SRGAP1: variants seen among roughly 807,000 people sequenced by gnomAD.
SRGAP1 encodes the protein SLIT-ROBO Rho GTPase activating protein 1.
SRGAP1 carries 43 observed loss-of-function variants against 121.9 expected under a neutral mutation model. The ratio of observed to expected loss-of-function variants is 0.35; its 90% CI spans 0.28 to 0.46. The LOEUF (loss-of-function observed/expected upper bound fraction) is 0.46, where lower values mean the gene tolerates loss of function less well. Ranked by LOEUF, SRGAP1 falls within the 20% of genes least tolerant of loss-of-function variation. The pLI is 1.00. For synonymous variants in SRGAP1, 447 were observed against 485.4 expected, an observed-to-expected ratio of 0.92 and a Z score of 1.04; for missense variants, 1,102 against 1,350.9, an observed-to-expected ratio of 0.82 and a Z score of 2.89.
intron 3 of SRGAP1, among the ~76,000 whole-genome samples, chr12:64,015,772 A>G (rs1027752608): frequency 6.6e-6 from 1 of 152,176 alleles, no homozygotes; most frequent in Non-Finnish European, 1.5e-5. Flanking sequence ...TATGGCCCTT[A>G]TCCCTAACAC....
rs149875510 is a variant in SRGAP1, at chr12:64,064,017, G to A, written c.1023+879G>A. Among the ~76,000 whole-genome samples the A allele has an allele frequency of 3.3e-5, 5 of 151,944 alleles. No homozygotes were observed. The East Asian group carries it at 9.7e-4, about 29-fold the overall frequency. On this transcript the variant is annotated intron_variant, in intron 7 of 21. Transcript: ENST00000355086. The stretch of plus-strand genomic sequence containing the variant: ...ATTTTATGTGTGTTTGATAGAAATG[G>A]TATTTAAGCCAAACACACATGGATT...
At chr12:64,074,627 G>A (rs1235288728) in intron 8 of SRGAP1, among the ~76,000 whole-genome samples, 1 of 151,976 alleles carries the variant, frequency 6.6e-6, no homozygotes, top group Non-Finnish European at 1.5e-5. Context: ...CTTTTGAATG[G>A]CACCTTCCCT....
intron 8 of SRGAP1, among the ~76,000 whole-genome samples, chr12:64,066,470 A>G (rs942388593): frequency 1.3e-5 from 2 of 152,228 alleles, no homozygotes; most frequent in African/African-American, 4.8e-5. Flanking sequence ...AAAAGAAAGG[A>G]CTGTGGGACA....
At chr12:63,985,081 T>C (rs1359325697) in intron 2 of SRGAP1, among the ~76,000 whole-genome samples, 2 of 150,872 alleles carry the variant, frequency 1.3e-5, no homozygotes, top group East Asian at 3.9e-4. Flanking sequence ...AGTGAAATAT[T>C]CAAGTGCTCC....
intron 1 of SRGAP1, among the ~76,000 whole-genome samples, chr12:63,965,107 G>A (rs1179622726): frequency 3.9e-5 from 6 of 152,154 alleles, no homozygotes; most frequent in Non-Finnish European, 8.8e-5. Context: ...ATGTTCGAAT[G>A]TGTGCTTTGG....
chr12:63,985,348 T>G (rs2033386235), intron 2 of SRGAP1, among the ~76,000 whole-genome samples: 1 of 151,646 alleles, frequency 6.6e-6, no homozygotes, highest in Non-Finnish European at 1.5e-5. Context: ...TGGGAGTGAG[T>G]AGGGAGGCGA....
chr12:63,901,850 G>C (rs550212681), intron 1 of SRGAP1, among the ~76,000 whole-genome samples: 16 of 152,322 alleles, frequency 1.1e-4, no homozygotes, highest in African/African-American at 3.6e-4. Context: ...AATTAGAATT[G>C]TTTAAGCCCT....
intron 3 of SRGAP1, among the ~76,000 whole-genome samples, chr12:64,005,044 A>T (rs1216929927): frequency 6.6e-6 from 1 of 152,226 alleles, no homozygotes; most frequent in Non-Finnish European, 1.5e-5. Flanking sequence ...AGAGATACCG[A>T]ATATGGCTGT....
At chr12:64,108,334 A>G (rs2036378595) in intron 15 of SRGAP1, among the ~76,000 whole-genome samples, 1 of 152,194 alleles carries the variant, frequency 6.6e-6, no homozygotes, top group South Asian at 2.1e-4. Context: ...ATAAATAGCT[A>G]TAAACATCAG....
intron 1 of SRGAP1, among the ~76,000 whole-genome samples, chr12:63,892,417 C>T (rs1206703502): frequency 1.3e-5 from 2 of 152,104 alleles, no homozygotes; most frequent in Admixed American, 6.5e-5. Flanking sequence ...TAGACAAATG[C>T]CTTCTATGTA....
intron 1 of SRGAP1, among the ~76,000 whole-genome samples, chr12:63,947,063 TTCA>T (rs2032073491): frequency 6.6e-6 from 1 of 152,244 alleles, no homozygotes; most frequent in East Asian, 1.9e-4. Context: ...TTCAATTGTT[TTCA>T]TTTTTAACCA....
In SRGAP1 at chr12:64,042,823, A is replaced by T; in HGVS notation, c.523A>T (p.Ser175Cys). ...AACATACCATATGTATCATGCAGAG[A>T]GCATCAGTGCAGAGAGCAAGCTGAA... Reference protein sequence around the residue: ...MKTYHMYHAESISAESKLKEA... With the variant: ...MKTYHMYHAECISAESKLKEA... Residue 175 changes from serine (S) to cysteine (C), a missense_variant, in exon 5 of 22, where the codon AGC becomes TGC. Coordinates refer to ENST00000355086, the MANE Select transcript of SRGAP1 (RefSeq NM_020762.4). 10 of 1,613,912 alleles carry T rather than the reference A, an allele frequency of 6.2e-6. No individual in the cohort carries two copies. Among genetic ancestry groups the T allele is most frequent in the Non-Finnish European group, 8.5e-6 (10 of 1,179,918 alleles).
At chr12:64,129,109 AT>A (rs869113551) in intron 21 of SRGAP1, among the ~76,000 whole-genome samples, 3 of 147,992 alleles carry the variant, frequency 2.0e-5, no homozygotes, top group South Asian at 2.1e-4. Flanking sequence ...AAAAAAAAAA[AT>A]TTTTTTTTAA....
chr12:63,900,198 C>CTTCTTCTTT (rs1555236578), intron 1 of SRGAP1, among the ~76,000 whole-genome samples: 249 of 100,602 alleles, frequency 2.5e-3, no homozygotes, highest in Non-Finnish European at 4.3e-3. Flanking sequence ...TTTTCTTTTT[C>CTTCTTCTTT]TTTTTCTTTT....
chr12:63,881,208 G>T (rs892524737), intron 1 of SRGAP1, among the ~76,000 whole-genome samples: 3 of 152,136 alleles, frequency 2.0e-5, no homozygotes, highest in Non-Finnish European at 2.9e-5. Context: ...ATATGACTGG[G>T]CTGGAATCTA....
chr12:64,093,167 T>C (rs1323369476), intron 12 of SRGAP1, among the ~76,000 whole-genome samples: 1 of 152,214 alleles, frequency 6.6e-6, no homozygotes, highest in African/African-American at 2.4e-5. Context: ...GGGATTAGTT[T>C]GAATGATAGA....
chr12:63,970,378 G>A (rs1197282123), intron 1 of SRGAP1, among the ~76,000 whole-genome samples: 2 of 152,156 alleles, frequency 1.3e-5, no homozygotes, highest in African/African-American at 4.8e-5. Context: ...AAAAGGGTGG[G>A]TGTGGCAGAG....
At chr12:64,090,068 G>A (rs1023001316) in intron 11 of SRGAP1, among the ~76,000 whole-genome samples, 13 of 152,090 alleles carry the variant, frequency 8.5e-5, no homozygotes, top group Non-Finnish European at 4.4e-5. Context: ...AGTTAAAAAG[G>A]AGTTTTACAT....
At chr12:64,027,230 A>C (rs1275195441) in intron 4 of SRGAP1, among the ~76,000 whole-genome samples, 1 of 152,122 alleles carries the variant, frequency 6.6e-6, no homozygotes, top group African/African-American at 2.4e-5. Context: ...GATGTTAAGT[A>C]CCTTGCCCAA....
Sources: gnomAD v4.1 joint callset for allele counts (sites outside exome capture counted in the v4.1 genomes callset) on GRCh38, gnomAD v4.1.1 for gene constraint, MANE v1.5 for transcripts, NCBI Gene and HGNC (gene_info 2026-07-23, HGNC 2026-07-21) for gene names.